Variants in OTOG observed in about 807,000 individuals in gnomAD.
OTOG encodes the protein otogelin.
Under a neutral mutation model 313.8 loss-of-function variants are expected in OTOG, and 296 were observed. The ratio of observed to expected loss-of-function variants is 0.94; its 90% confidence interval spans 0.86 to 1.04. The LOEUF is 1.04. OTOG is among the 50% of genes least tolerant of loss of function. The pLI is 0.00. For synonymous variants in OTOG, 1,533 were observed against 1,554.9 expected (o/e 0.99, Z 0.33); for missense variants, 3,948 against 3,840.1 (o/e 1.03, Z -0.74).
Position 17,634,943 on chromosome 11 carries a change from G to T in OTOG, c.7580G>T (p.Ser2527Ile). 1.3e-6 allele frequency: 2 copies of T among 1,546,956 alleles called. No homozygotes were observed. Among genetic ancestry groups the T allele is most frequent in the South Asian group, 1.2e-5 (1 of 83,896 alleles). Residue 2527 changes from serine to isoleucine, a missense_variant, in exon 45 of 56, where the codon AGC becomes ATC. Ser to Ile is a moderately radical substitution (Grantham distance 142, BLOSUM62 -2). Transcript: ENST00000399397. ...GAGGACTCCTGCTGCCCCAGCTACA[G>T]CTGTGGTGAGAGGCCCGGGGTGGGG... is the stretch of plus-strand genomic sequence containing the variant. Reference protein sequence around the residue: ...FQEDSCCPSYSCECDPDLCEA... With the variant: ...FQEDSCCPSYICECDPDLCEA...
intron 39 of OTOG, among the ~76,000 whole-genome samples, chr11:17,618,771 ATGAATTAACTCT>A (rs1298366520): frequency 6.6e-6 from 1 of 152,124 alleles, no homozygotes; most frequent in African/African-American, 2.4e-5. Flanking sequence ...TGTCCTTTTG[ATGAATTAACTCT>A]TTTATTCTTA....
chr11:17,612,720 T>C lies in OTOG; in HGVS notation c.6393T>C (p.Asp2131=), dbSNP rs1478000795. The part of the protein sequence containing the change: ...EAIYILSQSP[D]EMLTVHVLDC... ...TCTACATCCTCAGCCAGAGCCCAGA[T>C]GAAATGCTCACCGTCCATGTACTGG... The change falls in exon 38 of 56, where the codon GAT becomes GAC. Residue 2131 remains aspartate, a synonymous_variant. Transcript: ENST00000399397. The C allele has an allele frequency of 1.3e-6, 2 of 1,550,438 alleles. No individual in the cohort carries two copies. The highest frequency in any genetic ancestry group is 1.7e-6 in the Non-Finnish European group (2 of 1,146,950).
chr11:17,613,259 CTTTCTT>C (rs1565119019), intron 38 of OTOG, among the ~76,000 whole-genome samples: 9 of 130,342 alleles, frequency 6.9e-5, no homozygotes, highest in East Asian at 2.2e-4. Flanking sequence ...TTCTTTCTTT[CTTTCTT>C]TCTCTCTCTG....
chr11:17,602,508 A>G, intron 32 of OTOG, 131 bp downstream of exon 32: 2 of 1,068,366 alleles, frequency 1.9e-6, no homozygotes, highest in South Asian at 1.7e-5. Context: ...CCCCTCTCCC[A>G]GTTGAGATGG....
In OTOG at chr11:17,573,276, G is replaced by T. The variant is rs773167877; in HGVS notation, c.2279G>T (p.Arg760Leu). 1 of 1,526,694 alleles carries T rather than the reference G, an allele frequency of 6.6e-7. No homozygotes were observed. Among genetic ancestry groups the T allele is most frequent in the Non-Finnish European group, 8.8e-7 (1 of 1,140,696 alleles). 94.6% of individuals were successfully genotyped at this position (1,526,694 alleles called of 1,614,324 possible). The change falls in exon 19 of 56, where the codon CGC becomes CTC. Residue 760 changes from arginine (R) to leucine (L), a missense_variant. Coordinates refer to ENST00000399397, the MANE Select transcript of OTOG (RefSeq NM_001292063.2). ...GGGCTCCCCGTTGATTTCCGCGCCC[G>T]CCTGCCAGCCTGTGGTGAGTGCCCC... ...RHGLPVDFRA[R>L]LPACALSCEA...
chr11:17,565,700 G>A (rs1398067784), intron 15 of OTOG, among the ~76,000 whole-genome samples: 1 of 152,122 alleles, frequency 6.6e-6, no homozygotes, highest in Non-Finnish European at 1.5e-5. Flanking sequence ...TATACTTTGA[G>A]TTATAATCCA....
At chr11:17,560,923 C>A (rs1990180) in intron 13 of OTOG, 106 bp downstream of exon 13, 1 of 1,207,726 alleles carries the variant, frequency 8.3e-7, no homozygotes, top group Non-Finnish European at 1.2e-6. Context: ...GGCACTCACT[C>A]AGTACCTTTG....
Position 17,553,381 on chromosome 11 carries a change from T to C in OTOG, c.402T>C (p.Pro134=). ...CTCCCTCAGTGTACAATGCCGGCCC[T>C]GAGAGGGACAGCATTTGCCGGGCGT... ...PRCQMVYNAG[P]ERDSICRAWG... Residue 134 remains proline, a synonymous_variant, in exon 6 of 56, where the codon CCT becomes CCC. Coordinates refer to ENST00000399397, the MANE Select transcript of OTOG (RefSeq NM_001292063.2). 1 of 1,463,518 alleles carries C rather than the reference T, an allele frequency of 6.8e-7. No homozygotes were observed. The highest frequency in any genetic ancestry group is 9.1e-7 in the Non-Finnish European group (1 of 1,104,252). 90.7% of individuals were successfully genotyped at this position (1,463,518 alleles called of 1,614,324 possible).
intron 47 of OTOG, among the ~76,000 whole-genome samples, chr11:17,638,021 G>A (rs1351357547): frequency 6.6e-6 from 1 of 152,192 alleles, no homozygotes; most frequent in Non-Finnish European, 1.5e-5. Flanking sequence ...AGGAAGTGCG[G>A]GCCCTGCAGG....
At position 17,629,293 on chromosome 11, in the gene OTOG, A is replaced by G. The variant is rs1362026593; in HGVS notation, c.6689A>G (p.Lys2230Arg). ...LMIVEASKTS[K>R]AQGHGLCGIC... The stretch of plus-strand genomic sequence containing the variant: ...ATCGTGGAGGCCAGCAAAACCAGCA[A>G]GGCCCAGGGCCATGGCCTGTGCGGT... The change falls in exon 40 of 56, where the codon AAG becomes AGG. Residue 2230 changes from lysine to arginine, a missense_variant. Physicochemically the swap from Lys to Arg is conservative, Grantham distance 26. Coordinates refer to ENST00000399397, the MANE Select transcript of OTOG (RefSeq NM_001292063.2). 1 of 1,550,532 alleles carries G rather than the reference A, an allele frequency of 6.4e-7. No homozygotes were observed. Among genetic ancestry groups the G allele is most frequent in the African/African-American group, 1.4e-5 (1 of 73,184 alleles).
At chr11:17,630,070 A>G (rs572235432) in intron 40 of OTOG, among the ~76,000 whole-genome samples, 1 of 152,130 alleles carries the variant, frequency 6.6e-6, no homozygotes, top group Admixed American at 6.5e-5. Context: ...TCTGCATCCA[A>G]ATTCCCTCTA....
chr11:17,634,312 C>G (rs1380836734), intron 44 of OTOG, 31 bp downstream of exon 44: 1 of 1,541,776 alleles, frequency 6.5e-7, no homozygotes, highest in Non-Finnish European at 8.8e-7. Context: ...CCTTGGACGT[C>G]AACTGTAAAA....
chr11:17,609,127 C>T lies in OTOG; in HGVS notation c.4275-3C>T, dbSNP rs1377733776. On this transcript the variant is annotated splice_region_variant and splice_polypyrimidine_tract_variant and intron_variant, in intron 34 of 55. Transcript: ENST00000399397. ...TTTAAACTGCTCCCTGCTCTGTCCT[C>T]AGGGTAGAAGGCTGTGTCCCTGTGT... 1 of 1,550,340 alleles carries T rather than the reference C, an allele frequency of 6.5e-7. No individual in the cohort carries two copies. The highest frequency in any genetic ancestry group is 1.2e-5 in the South Asian group (1 of 84,056).
At position 17,611,328 on chromosome 11, in the gene OTOG, C is replaced by T. The variant is rs1479241766; in HGVS notation, c.6028C>T (p.Pro2010Ser). The T allele has an allele frequency of 6.4e-7, 1 of 1,550,430 alleles. No individual in the cohort carries two copies. The highest frequency in any genetic ancestry group is 8.7e-7 in the Non-Finnish European group (1 of 1,146,940). The change falls in exon 36 of 56, where the codon CCA becomes TCA. Residue 2010 changes from proline to serine, a missense_variant. By Grantham distance (74) the Pro-to-Ser change is moderately conservative. Transcript: ENST00000399397. The stretch of plus-strand genomic sequence containing the variant: ...GCCGGTGGACGAGGCCACCACAGAA[C>T]CATCTGGGCGCTCAGCCCCAGCCCT... ...AEPVDEATTEPSGRSAPALSI... is the reference protein window; with the variant it reads ...AEPVDEATTESSGRSAPALSI...
chr11:17,612,669 C>T lies in OTOG; in HGVS notation c.6342C>T (p.Ser2114=). ...TGAGCTTCGTGACCTTCGATGGGAG[C>T]CACGTAGCTCTGTTCAAGGAGGCCA... ...PDLSFVTFDG[S]HVALFKEAIY... is the part of the protein sequence containing the mutation. The change falls in exon 38 of 56, where the codon AGC becomes AGT. Residue 2114 remains serine (S), a synonymous_variant. Transcript: ENST00000399397. The T allele has an allele frequency of 6.4e-7, 1 of 1,550,548 alleles. No homozygotes were observed. The highest frequency in any genetic ancestry group is 8.7e-7 in the Non-Finnish European group (1 of 1,146,944).
intron 5 of OTOG, 69 bp downstream of exon 5, chr11:17,553,280 C>A: frequency 6.6e-7 from 1 of 1,526,480 alleles, no homozygotes; most frequent in Non-Finnish European, 8.8e-7. Context: ...AGAAAGGGAG[C>A]AGCACTTCCA....
intron 40 of OTOG, 81 bp downstream of exon 40, chr11:17,629,397 G>A (rs1854062504): frequency 2.8e-6 from 4 of 1,417,262 alleles, no homozygotes; most frequent in South Asian, 1.4e-5. Context: ...CCTGGAGCAG[G>A]AAAGGCTGGG....
chr11:17,635,140 T>G lies in OTOG; in HGVS notation c.7646T>G (p.Leu2549Arg). The change falls in exon 46 of 56, where the codon CTG becomes CGG. Residue 2549 changes from leucine to arginine, a missense_variant. Coordinates refer to ENST00000399397, the MANE Select transcript of OTOG (RefSeq NM_001292063.2). ...CCCAGCTGCCGACAGGACCAGATCC[T>G]GATCACGGGCCGCCTGGGGGACTCC... ...LVPSCRQDQI[L>R]ITGRLGDSCC... The G allele has an allele frequency of 6.5e-7, 1 of 1,549,014 alleles. No homozygotes were observed.
At chr11:17,547,838 G>A in intron 1 of OTOG, 89 bp from the exon 2 acceptor site, 2 of 446,152 alleles carry the variant, frequency 4.5e-6, no homozygotes, top group Non-Finnish European at 7.9e-6. Flanking sequence ...CAGTGGCGTG[G>A]GAGAGGCTTT....
Sources: allele counts gnomAD v4.1 joint callset (sites outside exome capture counted in the v4.1 genomes callset), GRCh38; gene constraint gnomAD v4.1.1; transcripts MANE v1.5; gene names NCBI Gene and HGNC (gene_info 2026-07-23, HGNC 2026-07-21).